RABGAP1L: variants seen among roughly 807,000 people sequenced by gnomAD.
The protein encoded by RABGAP1L is RAB GTPase activating protein 1 like.
Under a neutral mutation model 137.7 loss-of-function variants are expected in RABGAP1L, and 63 were observed. The ratio of observed to expected loss-of-function variants is 0.46; its 90% confidence interval spans 0.37 to 0.56. The LOEUF (loss-of-function observed/expected upper bound fraction) is 0.56. Among genes scored for constraint, RABGAP1L ranks in the 20% least tolerant of loss-of-function variants. The pLI is 0.00. For synonymous variants in RABGAP1L, 431 were observed against 433.7 expected (o/e 0.99, Z 0.08); for missense variants, 1,095 against 1,244.0 (o/e 0.88, Z 1.80).
intron 18 of RABGAP1L, among the ~76,000 whole-genome samples, chr1:174,779,367 CTTG>C (rs1472033207): frequency 1.3e-5 from 2 of 152,140 alleles, no homozygotes; most frequent in African/African-American, 2.4e-5. Flanking sequence ...AAAATGCCAT[CTTG>C]TTGTTATTTA....
intron 18 of RABGAP1L, among the ~76,000 whole-genome samples, chr1:174,808,146 G>A (rs1164249116): frequency 1.3e-5 from 2 of 151,650 alleles, no homozygotes; most frequent in African/African-American, 4.8e-5. Flanking sequence ...ACCATGCCCG[G>A]CTAAAATTTT....
At chr1:174,252,366 A>T in intron 6 of RABGAP1L, 114 bp from the exon 7 acceptor site, 1 of 1,276,096 alleles carries the variant, frequency 7.8e-7, no homozygotes, top group Non-Finnish European at 1.1e-6. Flanking sequence ...AGTATATCTT[A>T]AGAATAAGGG....
At chr1:174,701,017 A>G in intron 16 of RABGAP1L, 1 of 1,279,768 alleles carries the variant, frequency 7.8e-7, no homozygotes, top group Non-Finnish European at 1.0e-6. Flanking sequence ...TGAAGTACCT[A>G]ATGGGCACAT....
At chr1:174,648,332 G>A (rs1014901178) in intron 14 of RABGAP1L, among the ~76,000 whole-genome samples, 4 of 152,096 alleles carry the variant, frequency 2.6e-5, no homozygotes, top group African/African-American at 4.8e-5. Flanking sequence ...ATTTTCTGAT[G>A]TGGGGGTTTA....
At chr1:174,275,709 A>G (rs1387401291) in intron 8 of RABGAP1L, 124 bp from the exon 9 acceptor site, 7 of 597,148 alleles carry the variant, frequency 1.2e-5, no homozygotes, top group Non-Finnish European at 2.0e-5. Context: ...TACAGTGAAT[A>G]TAAAGCTCCT....
At chr1:174,941,609 G>A (rs908701228) in intron 19 of RABGAP1L, among the ~76,000 whole-genome samples, 2 of 152,124 alleles carry the variant, frequency 1.3e-5, no homozygotes, top group African/African-American at 4.8e-5. Context: ...TAGAAAGGTA[G>A]TGAGGAGACC....
chr1:174,964,896 T>G, intron 20 of RABGAP1L: 1 of 1,466,288 alleles, frequency 6.8e-7, no homozygotes, highest in Non-Finnish European at 9.0e-7. Context: ...AATATTTTAG[T>G]AGGTGTTCAA....
chr1:174,354,189 C>T (rs72713537), intron 11 of RABGAP1L, among the ~76,000 whole-genome samples: 53,445 of 151,682 alleles, frequency 0.35, 12,063 homozygotes, highest in African/African-American at 0.64. Flanking sequence ...CCATTAGTTA[C>T]GTTTGAGCTA....
rs1422356201 is a variant in RABGAP1L at position 174,550,983 on chromosome 1, C to CATATATATATACATATATATATAT, written c.1711-86381_1711-86380insCATATATATATATATATATATATA. Among the ~76,000 whole-genome samples, 13 of 83,426 alleles carry CATATATATATACATATATATATAT rather than the reference C, an allele frequency of 1.6e-4. 1 individual carries two copies. The highest frequency in any genetic ancestry group is 6.9e-4 in the African/African-American group (7 of 10,164). The allele number at this position is 83,426 out of a possible 152,430, so 54.7% of individuals were successfully genotyped here. On this transcript the variant is annotated intron_variant, in intron 13 of 25. Coordinates refer to ENST00000681986, the MANE Select transcript of RABGAP1L (RefSeq NM_001366446.1). ...ACACATATATATACATGTATATATA[C>CATATATATATACATATATATATAT]ATATATATATATACACATATATATA...
rs145318269 is a variant in RABGAP1L, at chr1:174,528,405, A to G, written c.1711-108970A>G. Among the ~76,000 whole-genome samples the G allele has an allele frequency of 5.3e-5, 8 of 151,796 alleles. No individual in the cohort carries two copies. The East Asian group carries it at 1.5e-3, about 29-fold the overall frequency. ...TGTAGGTCTGGTCTGGTGGTGATGA[A>G]TTCCCTCAGCTTTTCTTTGTCTGGG... On this transcript the variant is annotated intron_variant, in intron 13 of 25. Transcript: ENST00000681986.
chr1:174,864,783 T>C (rs1188877566), intron 19 of RABGAP1L, among the ~76,000 whole-genome samples: 1 of 152,238 alleles, frequency 6.6e-6, no homozygotes, highest in Non-Finnish European at 1.5e-5. Flanking sequence ...CAAATTTTCT[T>C]ACTGCACCCT....
chr1:174,305,584 C>T (rs1029985899), intron 11 of RABGAP1L, among the ~76,000 whole-genome samples: 2 of 151,962 alleles, frequency 1.3e-5, no homozygotes, highest in Non-Finnish European at 2.9e-5. Flanking sequence ...TGGGGTTTCG[C>T]CATGTTGGCC....
intron 13 of RABGAP1L, among the ~76,000 whole-genome samples, chr1:174,540,820 A>T (rs940211329): frequency 2.0e-5 from 3 of 152,254 alleles, no homozygotes; most frequent in Admixed American, 6.5e-5. Flanking sequence ...GTTTTTTCCA[A>T]TTCTGTGAAG....
At chr1:174,241,729 T>A in intron 5 of RABGAP1L, 72 bp downstream of exon 5, 2 of 1,216,844 alleles carry the variant, frequency 1.6e-6, no homozygotes, top group Non-Finnish European at 2.3e-6. Flanking sequence ...CTAATTTCAC[T>A]GTTGTATAAA....
chr1:174,561,396 A>C (rs1029126523), intron 13 of RABGAP1L, among the ~76,000 whole-genome samples: 9 of 152,220 alleles, frequency 5.9e-5, no homozygotes, highest in Non-Finnish European at 8.8e-5. Flanking sequence ...ATGCTCATGG[A>C]TAGGAAGAAT....
chr1:174,823,334 T>G (rs537036058), intron 19 of RABGAP1L, among the ~76,000 whole-genome samples: 1 of 152,358 alleles, frequency 6.6e-6, no homozygotes, highest in African/African-American at 2.4e-5. Context: ...CGTTAGAACT[T>G]GTCTTCACTA....
chr1:174,518,672 A>G (rs191068112), intron 13 of RABGAP1L, among the ~76,000 whole-genome samples: 16 of 152,326 alleles, frequency 1.1e-4, no homozygotes, highest in Admixed American at 8.5e-4. Flanking sequence ...ATTGTGTTCT[A>G]TATGAATGGC....
rs544455801 is a variant in RABGAP1L at position 174,616,064 on chromosome 1, G to A, written c.1711-21311G>A. 1.6e-4 allele frequency among the ~76,000 whole-genome samples: 24 copies of A among 152,304 alleles called. No individual in the cohort carries two copies. The East Asian group carries it at 1.9e-3, about 12-fold the overall frequency. ...GCAATGTCTTGCCCTGCTTTGGCTC[G>A]CACACAGTGCGCTGCACCCACTGTC... is the stretch of plus-strand genomic sequence containing the variant. On this transcript the variant is annotated intron_variant, in intron 13 of 25. Coordinates refer to ENST00000681986, the MANE Select transcript of RABGAP1L (RefSeq NM_001366446.1).
At chr1:174,653,813 C>T (rs1675755082) in intron 14 of RABGAP1L, among the ~76,000 whole-genome samples, 1 of 152,222 alleles carries the variant, frequency 6.6e-6, no homozygotes, top group South Asian at 2.1e-4. Flanking sequence ...GAAGCTATCT[C>T]ATATTTTCTT....
Sources: gnomAD v4.1 joint callset for allele counts (sites outside exome capture counted in the v4.1 genomes callset) on GRCh38, gnomAD v4.1.1 for gene constraint, MANE v1.5 for transcripts, NCBI Gene and HGNC (gene_info 2026-07-23, HGNC 2026-07-21) for gene names.